FBXO34: variants seen among roughly 807,000 people sequenced by gnomAD.
FBXO34 encodes the protein F-box only protein 34.
A neutral mutation model predicts 24.5 loss-of-function variants in FBXO34; 12 were observed. The observed-to-expected ratio is 0.49, with a 90% CI of 0.31 to 0.79. The LOEUF (loss-of-function observed/expected upper bound fraction) is 0.79, where lower values mean the gene tolerates loss of function less well. FBXO34 is among the 30% of genes least tolerant of loss of function. The probability of loss-of-function intolerance (pLI) is 0.04; values close to 1 mark genes in which losing one functional copy is unlikely to be tolerated. For missense variants in FBXO34, 823 were observed against 857.7 expected (o/e 0.96, Z 0.51); for synonymous variants, 320 against 311.9 (o/e 1.03, Z -0.27).
chr14:55,371,852 A>C (rs1327744225), downstream of FBXO34, among the ~76,000 whole-genome samples: 1 of 152,078 alleles, frequency 6.6e-6, no homozygotes, highest in East Asian at 1.9e-4. Context: ...GGGTGCTCTC[A>C]AGTTTACTAG....
At chr14:55,300,119 A>C (rs541654000) in intron 1 of FBXO34, among the ~76,000 whole-genome samples, 2 of 148,374 alleles carry the variant, frequency 1.3e-5, no homozygotes, top group Admixed American at 1.4e-4. Context: ...CTAGTATTCA[A>C]ATTTGCATTT....
chr14:55,390,231 C>T, the FBXO34 span, among the ~76,000 whole-genome samples: 9 of 152,028 alleles, frequency 5.9e-5, no homozygotes, highest in Admixed American at 1.3e-4. Context: ...CCACCACGCC[C>T]GGCTAATTTT....
the FBXO34 span, chr14:55,395,359 T>C: frequency 4.7e-6 from 1 of 211,202 alleles, no homozygotes. Flanking sequence ...AATTTTTTGT[T>C]TGTTTGTTTG....
At chr14:55,382,810 C>T in the FBXO34 span, among the ~76,000 whole-genome samples, 5 of 152,208 alleles carry the variant, frequency 3.3e-5, no homozygotes, top group African/African-American at 1.2e-4. Flanking sequence ...CACCTCTCTA[C>T]GTGTTTAAAA....
intron 1 of FBXO34, among the ~76,000 whole-genome samples, chr14:55,347,545 G>T (rs1884199019): frequency 1.3e-5 from 2 of 152,130 alleles, no homozygotes; most frequent in Admixed American, 1.3e-4. Flanking sequence ...TAAATGTCCT[G>T]CTTCTTTCAG....
At chr14:55,361,456 G>A (rs901479700) in intron 3 of FBXO34, among the ~76,000 whole-genome samples, 10 of 152,138 alleles carry the variant, frequency 6.6e-5, no homozygotes, top group African/African-American at 2.2e-4. Flanking sequence ...TTCTTAACAG[G>A]CCTAGGATTT....
chr14:55,325,530 C>T (rs921118900), intron 1 of FBXO34, among the ~76,000 whole-genome samples: 3 of 152,024 alleles, frequency 2.0e-5, no homozygotes, highest in Admixed American at 2.0e-4. Flanking sequence ...GGCTGGAGTG[C>T]AATGGCGCGA....
intron 1 of FBXO34, among the ~76,000 whole-genome samples, chr14:55,304,808 C>T (rs1191733939): frequency 6.6e-6 from 1 of 152,148 alleles, no homozygotes; most frequent in Non-Finnish European, 1.5e-5. Flanking sequence ...CACCCTAGCC[C>T]ATTTTTATTG....
downstream of FBXO34, chr14:55,370,035 C>G: frequency 9.9e-7 from 1 of 1,008,242 alleles, no homozygotes; most frequent in Non-Finnish European, 1.4e-6. Context: ...CGCCGCACAC[C>G]CCATTCATTC....
the FBXO34 span, chr14:55,440,634 G>C: frequency 7.2e-7 from 1 of 1,394,862 alleles, no homozygotes; most frequent in Non-Finnish European, 9.5e-7. Context: ...TGGGCTTGGA[G>C]CGGGATGCGG....
In FBXO34 at chr14:55,329,660, G is replaced by A. The variant is rs74970706; in HGVS notation, c.-10-20721G>A. Among the ~76,000 whole-genome samples, 1,330 of 152,148 alleles carry A rather than the reference G, an allele frequency of 8.7e-3. 23 individuals are homozygous for A. The highest frequency in any genetic ancestry group is 0.031 in the African/African-American group (1,270 of 41,480). On this transcript the variant is annotated intron_variant, in intron 1 of 1. Transcript: ENST00000313833. ...GGTGGAATAGGATTAAAATATCTGT[G>A]GACCTATTTTTTAAAAACAGCATTT...
chr14:55,369,466 A>ATGTT (rs1163557706), downstream of FBXO34: 8 of 705,104 alleles, frequency 1.1e-5, no homozygotes, highest in Non-Finnish European at 1.5e-5. Context: ...GCAAATAGAA[A>ATGTT]TGTTTGTCTC....
downstream of FBXO34, among the ~76,000 whole-genome samples, chr14:55,365,857 G>T (rs1157285829): frequency 6.6e-6 from 1 of 152,050 alleles, no homozygotes; most frequent in African/African-American, 2.4e-5. Context: ...GTCACTCTTG[G>T]TATCTTCTCC....
At chr14:55,292,834 A>T (rs1881986640) in intron 1 of FBXO34, among the ~76,000 whole-genome samples, 1 of 152,090 alleles carries the variant, frequency 6.6e-6, no homozygotes, top group Non-Finnish European at 1.5e-5. Flanking sequence ...GGTGAGAGGG[A>T]GGGGTAGATG....
At chr14:55,307,901 T>C (rs981114807) in intron 1 of FBXO34, among the ~76,000 whole-genome samples, 2 of 152,230 alleles carry the variant, frequency 1.3e-5, no homozygotes, top group South Asian at 2.1e-4. Flanking sequence ...ATGGTTTGGC[T>C]GTGCCCCCAC....
the FBXO34 span, among the ~76,000 whole-genome samples, chr14:55,401,280 G>A: frequency 6.7e-6 from 1 of 148,534 alleles, no homozygotes; most frequent in Middle Eastern, 3.4e-3. Flanking sequence ...TTTTTCCTTT[G>A]AGGATTATTT....
At chr14:55,320,921 C>A (rs555638006) in intron 1 of FBXO34, among the ~76,000 whole-genome samples, 12 of 152,224 alleles carry the variant, frequency 7.9e-5, no homozygotes, top group Non-Finnish European at 1.2e-4. Context: ...TGGATTAAAT[C>A]ATAATTAAAA....
downstream of FBXO34, among the ~76,000 whole-genome samples, chr14:55,372,262 C>T (rs888273766): frequency 6.6e-6 from 1 of 151,784 alleles, no homozygotes; most frequent in Non-Finnish European, 1.5e-5. Context: ...ATTTGTCACC[C>T]TGGCCCAGGT....
chr14:55,290,610 A>G (rs1362931401), intron 1 of FBXO34, among the ~76,000 whole-genome samples: 6 of 152,138 alleles, frequency 3.9e-5, no homozygotes, highest in Admixed American at 3.9e-4. Flanking sequence ...CATTCCGAGC[A>G]GCAGGGTGCA....
Sources: allele counts gnomAD v4.1 joint callset (sites outside exome capture counted in the v4.1 genomes callset), GRCh38; gene constraint gnomAD v4.1.1; transcripts MANE v1.5; gene names NCBI Gene and HGNC (gene_info 2026-07-23, HGNC 2026-07-21).